The following UTRN variants were observed in gnomAD, a reference collection of about 807,000 sequenced individuals.
UTRN encodes the protein utrophin, also known as dystrophin-related protein 1.
Under a neutral mutation model 463.9 loss-of-function variants are expected in UTRN, and 283 were observed. That is an observed-to-expected ratio of 0.61 (90% CI 0.55 to 0.67). The LOEUF (loss-of-function observed/expected upper bound fraction) is 0.67, where lower values mean the gene tolerates loss of function less well. UTRN is among the 30% of genes least tolerant of loss of function. The pLI, the probability that UTRN is intolerant of heterozygous loss-of-function variation, is 0.00. For missense variants in UTRN, 3,922 were observed against 4,084.3 expected, an observed-to-expected ratio of 0.96 and a Z score of 1.08; for synonymous variants, 1,442 against 1,431.5, an observed-to-expected ratio of 1.01 and a Z score of -0.17.
chr6:144,540,319 G>C (rs912987313), intron 45 of UTRN, among the ~76,000 whole-genome samples: 1 of 151,904 alleles, frequency 6.6e-6, no homozygotes, highest in Non-Finnish European at 1.5e-5. Flanking sequence ...CGTCTGTATA[G>C]GACATTGAAT....
At chr6:144,838,543 G>A (rs931204121) in intron 71 of UTRN, among the ~76,000 whole-genome samples, 2 of 152,174 alleles carry the variant, frequency 1.3e-5, no homozygotes, top group Non-Finnish European at 2.9e-5. Context: ...GAAGATTTGC[G>A]TGAGTGCCTT....
intron 2 of UTRN, among the ~76,000 whole-genome samples, chr6:144,363,819 T>C (rs1344045044): frequency 2.6e-5 from 4 of 152,068 alleles, no homozygotes; most frequent in Non-Finnish European, 5.9e-5. Flanking sequence ...TGGAGGAAAA[T>C]GTTCCAGGTA....
At chr6:144,665,849 A>G (rs1780331079) in intron 51 of UTRN, among the ~76,000 whole-genome samples, 1 of 152,226 alleles carries the variant, frequency 6.6e-6, no homozygotes, top group Non-Finnish European at 1.5e-5. Context: ...ATTGTTTTAA[A>G]ATACTTTTCA....
At position 144,479,903 on chromosome 6, in the gene UTRN, A is replaced by C; in HGVS notation, c.3428A>C (p.Gln1143Pro). Residue 1143 changes from glutamine (Q) to proline (P), a missense_variant, in exon 26 of 75, where the codon CAG (glutamine) becomes CCG (proline). Physicochemically the swap from Gln to Pro is moderately conservative, Grantham distance 76. Transcript: ENST00000367545. ...DLAEMQEWMTQAEEEYLERDF... is the reference protein window; with the variant it reads ...DLAEMQEWMTPAEEEYLERDF... ...GCAGAGATGCAGGAATGGATGACCC[A>C]GGCCGAGGAAGAATATTTGGAGCGG... The C allele has an allele frequency of 1.2e-6, 2 of 1,614,234 alleles. No individual in the cohort carries two copies. The highest frequency in any genetic ancestry group is 1.7e-6 in the Non-Finnish European group (2 of 1,180,030).
intron 54 of UTRN, among the ~76,000 whole-genome samples, chr6:144,732,833 A>C (rs1363772502): frequency 6.6e-6 from 1 of 152,098 alleles, no homozygotes; most frequent in African/African-American, 2.4e-5. Context: ...CTCCCACCTC[A>C]GCCTACTGAG....
chr6:144,500,159 A>G (rs1002997813), intron 34 of UTRN, among the ~76,000 whole-genome samples: 1 of 152,158 alleles, frequency 6.6e-6, no homozygotes, highest in African/African-American at 2.4e-5. Flanking sequence ...AGTAATCAGA[A>G]TTCTGTTTGA....
At chr6:144,434,697 G>A (rs1195829022) in intron 9 of UTRN, among the ~76,000 whole-genome samples, 4 of 152,062 alleles carry the variant, frequency 2.6e-5, no homozygotes, top group African/African-American at 9.7e-5. Context: ...GTATACAGTG[G>A]GGAGAAAAAA....
chr6:144,396,934 G>C (rs1782482560), intron 2 of UTRN, among the ~76,000 whole-genome samples: 1 of 152,076 alleles, frequency 6.6e-6, no homozygotes, highest in South Asian at 2.1e-4. Flanking sequence ...GGGTTAGGTT[G>C]GTTCTCAGCT....
chr6:144,422,379 A>C (rs1298160153), intron 4 of UTRN, among the ~76,000 whole-genome samples: 1 of 152,164 alleles, frequency 6.6e-6, no homozygotes, highest in Non-Finnish European at 1.5e-5. Flanking sequence ...CACTTTGGGA[A>C]GCCAAGGTGG....
intron 42 of UTRN, 66 bp downstream of exon 42, chr6:144,531,268 T>G: frequency 7.1e-7 from 1 of 1,401,042 alleles, no homozygotes. Context: ...TAAGACAGAT[T>G]TCAGAAGTAG....
At chr6:144,566,976 A>G (rs990490459) in intron 50 of UTRN, among the ~76,000 whole-genome samples, 1 of 151,938 alleles carries the variant, frequency 6.6e-6, no homozygotes, top group Non-Finnish European at 1.5e-5. Context: ...GCAAAACCTC[A>G]TCTCTACAAA....
chr6:144,374,068 T>G (rs1398341837), intron 2 of UTRN, among the ~76,000 whole-genome samples: 1 of 152,216 alleles, frequency 6.6e-6, no homozygotes. Flanking sequence ...CTTCTTACTT[T>G]CTTTTATTTG....
chr6:144,616,625 CT>C (rs1295824816), intron 51 of UTRN, among the ~76,000 whole-genome samples: 1 of 151,494 alleles, frequency 6.6e-6, no homozygotes, highest in Non-Finnish European at 1.5e-5. Flanking sequence ...AAGTGAACAT[CT>C]TTGGTAGCCT....
chr6:144,488,626 T>G, intron 29 of UTRN, 47 bp from the exon 30 acceptor site: 1 of 1,589,558 alleles, frequency 6.3e-7, no homozygotes, highest in Non-Finnish European at 8.6e-7. Context: ...ATTCTGCTAT[T>G]TATATTTGTG....
At chr6:144,416,053 A>G (rs976613100) in intron 3 of UTRN, among the ~76,000 whole-genome samples, 23 of 147,034 alleles carry the variant, frequency 1.6e-4, no homozygotes, top group Non-Finnish European at 2.6e-4. Context: ...GTGTGTGTGT[A>G]TGTGTGTGTG....
chr6:144,424,149 T>C, intron 6 of UTRN, 71 bp downstream of exon 6: 2 of 1,518,086 alleles, frequency 1.3e-6, no homozygotes, highest in South Asian at 2.3e-5. Context: ...TTCTTAAGGC[T>C]GCCGTAACCA....
chr6:144,679,062 A>C (rs1274431867), intron 52 of UTRN, among the ~76,000 whole-genome samples: 2 of 152,154 alleles, frequency 1.3e-5, no homozygotes, highest in Admixed American at 1.3e-4. Context: ...TACTCTTGGC[A>C]GTGAACATGT....
intron 54 of UTRN, among the ~76,000 whole-genome samples, chr6:144,731,170 T>C (rs1256746383): frequency 6.6e-6 from 1 of 151,922 alleles, no homozygotes; most frequent in African/African-American, 2.4e-5. Context: ...CAAATACTTT[T>C]CTTTTACAAG....
chr6:144,423,139 T>A (rs1009196720), intron 4 of UTRN, among the ~76,000 whole-genome samples: 3 of 152,134 alleles, frequency 2.0e-5, no homozygotes, highest in African/African-American at 7.2e-5. Flanking sequence ...CCAGACCAAT[T>A]AAGAGAAAGG....
Sources: gnomAD v4.1 joint callset for allele counts (sites outside exome capture counted in the v4.1 genomes callset) on GRCh38, gnomAD v4.1.1 for gene constraint, MANE v1.5 for transcripts, NCBI Gene and HGNC (gene_info 2026-07-23, HGNC 2026-07-21) for gene names.